The following MGAT4C variants were observed in gnomAD, a reference collection of about 807,000 sequenced individuals.
The protein encoded by MGAT4C is alpha-1,3-mannosyl-glycoprotein 4-beta-N-acetylglucosaminyltransferase C.
In MGAT4C, 19 loss-of-function variants were observed where a neutral mutation model predicts 40.1. The ratio of observed to expected loss-of-function variants is 0.47; its 90% CI spans 0.33 to 0.70. The LOEUF is 0.70. Among genes scored for constraint, MGAT4C ranks in the 30% least tolerant of loss-of-function variants. MGAT4C has a pLI of 0.02. For missense variants in MGAT4C, 491 were observed against 563.2 expected, an observed-to-expected ratio of 0.87 and a Z score of 1.30; for synonymous variants, 181 against 187.1, an observed-to-expected ratio of 0.97 and a Z score of 0.27.
intron 1 of MGAT4C, chr12:86,838,584 T>C (rs1953088039): frequency 6.6e-6 from 1 of 152,164 alleles, no homozygotes; most frequent in Non-Finnish European, 1.5e-5. Context: ...TCTTTCTCTT[T>C]TTACAGGTTT....
At chr12:86,040,708 G>A (rs534349546) in intron 2 of MGAT4C, among the ~76,000 whole-genome samples, 3 of 149,284 alleles carry the variant, frequency 2.0e-5, no homozygotes, top group Non-Finnish European at 3.0e-5. Context: ...CACCACTGGG[G>A]TATGGAGAAA....
chr12:86,520,571 A>G (rs1191647855), intron 2 of MGAT4C, among the ~76,000 whole-genome samples: 1 of 152,092 alleles, frequency 6.6e-6, no homozygotes, highest in Non-Finnish European at 1.5e-5. Flanking sequence ...AATAATTTAT[A>G]TTTCTTTGGG....
chr12:86,338,317 A>G (rs1417061492), intron 3 of MGAT4C, among the ~76,000 whole-genome samples: 3 of 152,226 alleles, frequency 2.0e-5, no homozygotes, highest in Admixed American at 6.5e-5. Flanking sequence ...CAGTTTATCA[A>G]TCTGGGTGGT....
intron 2 of MGAT4C, among the ~76,000 whole-genome samples, chr12:86,533,449 C>T (rs933946165): frequency 6.6e-6 from 1 of 151,784 alleles, no homozygotes; most frequent in East Asian, 1.9e-4. Flanking sequence ...ACCTTTTTCC[C>T]AAGAATTCTA....
rs761312793 is a variant in MGAT4C at position 86,110,294 on chromosome 12, GTCTC to G, written c.-56-60575_-56-60572del. Reference sequence around the variant, plus strand: ...TATATATATAGTCTATATATATATAGTCTCTCTATATATATATATATATAGTCTC... The same window carrying G: ...TATATATATAGTCTATATATATATAGTCTATATATATATATATATAGTCTC... On this transcript the variant is annotated intron_variant, in intron 1 of 4. Transcript: ENST00000611864. Among the ~76,000 whole-genome samples, 108 of 6,118 alleles carry G rather than the reference GTCTC, an allele frequency of 0.018. 6 individuals carry two copies. The East Asian group carries it at 0.22, about 13-fold the overall frequency. 4.0% of individuals were successfully genotyped at this position (6,118 alleles called of 152,430 possible).
In MGAT4C at chr12:86,353,053, A is replaced by AAATAAAAT. The variant is rs1371359307; in HGVS notation, c.-119-18927_-119-18926insATTTTATT. ...TAAAAAAATAAATAAATAAATAAAT[A>AAATAAAAT]AAATAAATTATAAAAAAAAAGAAAG... On this transcript the variant is annotated intron_variant, in intron 3 of 7. Coordinates refer to the MGAT4C transcript ENST00000548651. Among the ~76,000 whole-genome samples, 95 of 150,038 alleles carry AAATAAAAT rather than the reference A, an allele frequency of 6.3e-4. 1 individual carries two copies. The highest frequency in any genetic ancestry group is 2.0e-3 in the African/African-American group (82 of 41,160).
At chr12:86,386,460 C>T (rs976065831) in intron 3 of MGAT4C, among the ~76,000 whole-genome samples, 2 of 152,322 alleles carry the variant, frequency 1.3e-5, no homozygotes, top group South Asian at 4.1e-4. Context: ...GAATAAGCTT[C>T]CCTTGTCTTA....
rs183585595 is a variant in MGAT4C, at chr12:86,305,587, G to A, written c.-57+28478C>T. 1.2e-3 allele frequency among the ~76,000 whole-genome samples: 183 copies of A among 149,812 alleles called. 1 individual carries two copies. The highest frequency in any genetic ancestry group is 3.6e-3 in the Admixed American group (55 of 15,160). ...CTTAAAATAATATATATAGTCATTC[G>A]TTGGTATCCATGTGATATTGGTTCA... On this transcript the variant is annotated intron_variant, in intron 4 of 7. Coordinates refer to the MGAT4C transcript ENST00000548651.
intron 2 of MGAT4C, among the ~76,000 whole-genome samples, chr12:86,499,169 G>A (rs1174969847): frequency 1.3e-5 from 2 of 151,788 alleles, no homozygotes; most frequent in African/African-American, 2.4e-5. Context: ...TTCATTGACA[G>A]TGGGCAATTA....
chr12:86,272,555 T>C (rs1328657871), intron 4 of MGAT4C, among the ~76,000 whole-genome samples: 1 of 152,132 alleles, frequency 6.6e-6, no homozygotes, highest in Non-Finnish European at 1.5e-5. Context: ...GCAATAATGA[T>C]ATCTAAAATA....
At chr12:86,525,207 G>A (rs1958860784) in intron 2 of MGAT4C, among the ~76,000 whole-genome samples, 1 of 152,048 alleles carries the variant, frequency 6.6e-6, no homozygotes, top group South Asian at 2.1e-4. Context: ...TCATTATACT[G>A]AGTGAGTTCT....
chr12:86,671,086 T>C (rs1280302912), intron 2 of MGAT4C, among the ~76,000 whole-genome samples: 1 of 152,232 alleles, frequency 6.6e-6, no homozygotes, highest in East Asian at 1.9e-4. Context: ...TGCTAGAAAA[T>C]GTAGCATTGC....
chr12:86,488,554 T>C (rs1377370068), intron 2 of MGAT4C, among the ~76,000 whole-genome samples: 1 of 152,174 alleles, frequency 6.6e-6, no homozygotes, highest in African/African-American at 2.4e-5. Context: ...CAAATTAGAT[T>C]TATTCTGTCC....
At chr12:86,417,358 A>G (rs997393209) in intron 3 of MGAT4C, among the ~76,000 whole-genome samples, 1 of 152,156 alleles carries the variant, frequency 6.6e-6, no homozygotes, top group Non-Finnish European at 1.5e-5. Flanking sequence ...CTTTAAGGCT[A>G]AAGTATACCT....
At chr12:86,068,616 A>G (rs1038831973) in intron 1 of MGAT4C, 3 of 150,332 alleles carry the variant, frequency 2.0e-5, no homozygotes, top group Non-Finnish European at 4.4e-5. Context: ...ATATATATTT[A>G]TACACACACA....
intron 2 of MGAT4C, among the ~76,000 whole-genome samples, chr12:86,617,634 G>C (rs191733490): frequency 6.6e-6 from 1 of 151,926 alleles, no homozygotes; most frequent in Non-Finnish European, 1.5e-5. Context: ...CTTGCAGTGC[G>C]CGGAGATCCT....
At position 86,120,907 on chromosome 12, in the gene MGAT4C, G is replaced by A. The variant is rs189025626; in HGVS notation, c.-56-71184C>T. The stretch of plus-strand genomic sequence containing the variant: ...GGACAGAGAATGACTTTGACGAGTT[G>A]AGAGAAGGCTTTAGACGATCAGTAG... On this transcript the variant is annotated intron_variant, in intron 1 of 4. Coordinates refer to ENST00000611864, the MANE Select transcript of MGAT4C (RefSeq NM_001351288.2). Among the ~76,000 whole-genome samples, 15 of 152,338 alleles carry A rather than the reference G, an allele frequency of 9.8e-5. No homozygotes were observed. The South Asian group carries it at 2.1e-3, about 21-fold the overall frequency.
At position 86,334,087 on chromosome 12, in the gene MGAT4C, C is replaced by T. The variant is rs1056207170; in HGVS notation, c.-79G>A. On this transcript the variant is annotated 5_prime_UTR_variant, in exon 4 of 8. Transcript: ENST00000548651. ...CACGTTTTAGTTTCTGTAGAGATAGCCTTTCTCACGCAGAATCAGGGCTGT... is the reference window on the plus strand; with the variant it reads ...CACGTTTTAGTTTCTGTAGAGATAGTCTTTCTCACGCAGAATCAGGGCTGT... The T allele has an allele frequency of 4.3e-4, 65 of 152,052 alleles. 1 individual carries two copies. The highest frequency in any genetic ancestry group is 1.5e-3 in the African/African-American group (62 of 41,406). The allele number at this position is 152,052 out of a possible 1,614,324, so 9.4% of individuals were successfully genotyped here.
intron 1 of MGAT4C, among the ~76,000 whole-genome samples, chr12:86,806,225 T>G (rs1015193764): frequency 6.6e-6 from 1 of 152,034 alleles, no homozygotes; most frequent in Non-Finnish European, 1.5e-5. Context: ...ATTGCATTTA[T>G]TATGTACTCT....
Sources: gnomAD v4.1 joint callset for allele counts (sites outside exome capture counted in the v4.1 genomes callset) on GRCh38, gnomAD v4.1.1 for gene constraint, MANE v1.5 for transcripts, NCBI Gene and HGNC (gene_info 2026-07-23, HGNC 2026-07-21) for gene names.